The following OLFML2A variants were observed in gnomAD, a reference collection of about 807,000 sequenced individuals.
OLFML2A encodes olfactomedin-like protein 2A.
A neutral mutation model predicts 60.9 loss-of-function variants in OLFML2A; 47 were observed. The ratio of observed to expected loss-of-function variants is 0.77; its 90% CI spans 0.61 to 0.98. OLFML2A has a LOEUF of 0.98. OLFML2A is among the 50% of genes least tolerant of loss of function. The pLI is 0.00. For synonymous variants in OLFML2A, 372 were observed against 375.0 expected (o/e 0.99, Z 0.09); for missense variants, 922 against 879.8 (o/e 1.05, Z -0.61).
At position 124,810,115 on chromosome 9, in the gene OLFML2A, C is replaced by A. The variant is rs754784787; in HGVS notation, c.1662C>A (p.Asp554Glu). Reference protein sequence around the residue: ...QPEVIVLSRLDPGDLSVHRET... With the variant: ...QPEVIVLSRLEPGDLSVHRET... ...AGGTGATCGTCCTGAGTCGCTTGGA[C>A]CCCGGCGATCTCTCCGTGCACCGGG... The change falls in exon 8 of 8, where the codon GAC becomes GAA. Residue 554 changes from aspartate to glutamate, a missense_variant. Asp to Glu is a conservative substitution (Grantham distance 45). Transcript: ENST00000373580. 7.4e-6 allele frequency: 12 copies of A among 1,613,702 alleles called. 1 individual carries two copies. The South Asian group carries it at 1.3e-4, about 18-fold the overall frequency.
At position 124,810,542 on chromosome 9, in the gene OLFML2A, T is replaced by A. The variant is rs1841993359; in HGVS notation, c.*130T>A. The A allele has an allele frequency of 1.3e-5, 12 of 932,108 alleles. No individual in the cohort carries two copies. The South Asian group carries it at 2.1e-4, about 16-fold the overall frequency. The allele number at this position is 932,108 out of a possible 1,614,324, so 57.7% of individuals were successfully genotyped here. A position where few individuals can be genotyped will look rare whatever the true frequency, so the allele number is the denominator to read the frequency against. On this transcript the variant is annotated 3_prime_UTR_variant, in exon 8 of 8. Coordinates refer to ENST00000373580, the MANE Select transcript of OLFML2A (RefSeq NM_182487.4). ...AGGGCTGGGACTGGGCATGAGGTGGTCACCAGGATTGAGCTTCCTCAGCAC... is the reference window on the plus strand; with the variant it reads ...AGGGCTGGGACTGGGCATGAGGTGGACACCAGGATTGAGCTTCCTCAGCAC...
intron 4 of OLFML2A, chr9:124,800,999 C>T (rs988367223): frequency 6.4e-6 from 10 of 1,551,026 alleles, no homozygotes; most frequent in Admixed American, 3.9e-5. Context: ...GAGTTGGTCA[C>T]CTTGCCTAGG....
Position 124,804,289 on chromosome 9 carries a change from C to A in OLFML2A, c.1115C>A (p.Thr372Asn), listed in dbSNP as rs1841845763. ...ACCGCCACCACCACCCCAACCCCCA[C>A]CACCAGTCTCCTGCCCACCGAGCCA... ...TTTATTTPTP[T>N]TSLLPTEPPS... Residue 372 changes from threonine (T) to asparagine (N), a missense_variant, in exon 6 of 8, where the codon ACC becomes AAC. By Grantham distance (65) the Thr-to-Asn change is moderately conservative. Transcript: ENST00000373580. 1 of 1,565,314 alleles carries A rather than the reference C, an allele frequency of 6.4e-7. No homozygotes were observed. The highest frequency in any genetic ancestry group is 1.2e-5 in the South Asian group (1 of 85,006).
intron 3 of OLFML2A, among the ~76,000 whole-genome samples, chr9:124,798,372 C>T (rs563930257): frequency 1.4e-4 from 21 of 151,806 alleles, no homozygotes; most frequent in Admixed American, 2.6e-4. Flanking sequence ...CATGGAGGCA[C>T]GCGCCTGTAG....
At chr9:124,790,024 G>A (rs143128244) in intron 2 of OLFML2A, among the ~76,000 whole-genome samples, 5 of 152,330 alleles carry the variant, frequency 3.3e-5, no homozygotes, top group Non-Finnish European at 7.3e-5. Flanking sequence ...TTTCATAAAC[G>A]CTGGCTAATT....
rs1269864 is a variant in OLFML2A, at chr9:124,804,268, C to T, written c.1094C>T (p.Ala365Val). The T allele has an allele frequency of 6.3e-7, 1 of 1,591,580 alleles. No homozygotes were observed. Among genetic ancestry groups the T allele is most frequent in the Admixed American group, 1.7e-5 (1 of 57,416 alleles). Residue 365 changes from alanine (A) to valine (V), a missense_variant, in exon 6 of 8, where the codon GCC becomes GTC. Ala to Val is a moderately conservative substitution (Grantham distance 64). Transcript: ENST00000373580. ...TCAATCCCTGCCACCACCACCACCG[C>T]CACCACCACCCCAACCCCCACCACC... ...PTSIPATTTT[A>V]TTTPTPTTSL...
In OLFML2A at chr9:124,808,439, G is replaced by A. The variant is rs138444926; in HGVS notation, c.1354+473G>A. On this transcript the variant is annotated intron_variant, in intron 7 of 7. Transcript: ENST00000373580. ...GGCCAGGATGGAGCTGACGGCACAG[G>A]GAAGGGCAGAATTCTGCTTATCAAA... 9.2e-5 allele frequency among the ~76,000 whole-genome samples: 14 copies of A among 152,302 alleles called. No homozygotes were observed. The East Asian group carries it at 2.7e-3, about 29-fold the overall frequency.
At chr9:124,796,442 G>A (rs1185724580) in intron 3 of OLFML2A, among the ~76,000 whole-genome samples, 2 of 152,290 alleles carry the variant, frequency 1.3e-5, no homozygotes, top group East Asian at 3.9e-4. Flanking sequence ...GATCCGGAGG[G>A]TATATCAGCT....
At chr9:124,806,410 C>T (rs143549845) in intron 6 of OLFML2A, among the ~76,000 whole-genome samples, 65 of 150,682 alleles carry the variant, frequency 4.3e-4, no homozygotes, top group Non-Finnish European at 7.8e-4. Context: ...TTTTTTGTGG[C>T]GAGAACACTT....
chr9:124,804,531 C>A (rs936266847), intron 6 of OLFML2A, among the ~76,000 whole-genome samples, 189 bp downstream of exon 6: 3 of 152,150 alleles, frequency 2.0e-5, no homozygotes, highest in Admixed American at 1.3e-4. Context: ...CAAGACCAGC[C>A]TGGCCAACAT....
rs2131235547 is a variant in OLFML2A, at chr9:124,779,204, T to G, written c.90+1844T>G. Among the ~76,000 whole-genome samples, 1 of 152,354 alleles carries G rather than the reference T, an allele frequency of 6.6e-6. No homozygotes were observed. Among genetic ancestry groups the G allele is most frequent in the South Asian group, 2.1e-4 (1 of 4,834 alleles). On this transcript the variant is annotated intron_variant, in intron 1 of 7. Transcript: ENST00000373580. This position sits in a 1 kb window ranked among gnomAD's most constrained non-coding sequence, Gnocchi z 4.1. ...TGGCCTTCCTCTGCTATTCTTCTGC[T>G]GTGTGACCTTGGGCAAATCACTGCC...
At chr9:124,798,766 A>G (rs1252450002) in intron 3 of OLFML2A, among the ~76,000 whole-genome samples, 1 of 152,034 alleles carries the variant, frequency 6.6e-6, no homozygotes, top group Middle Eastern at 3.2e-3. Context: ...AAAAAGAAAA[A>G]ATAAGGGACT....
chr9:124,799,498 C>T lies in OLFML2A; in HGVS notation c.669+7C>T, dbSNP rs1841733976. 2 of 1,575,158 alleles carry T rather than the reference C, an allele frequency of 1.3e-6. No individual in the cohort carries two copies. The highest frequency in any genetic ancestry group is 2.3e-5 in the East Asian group (1 of 43,428). On this transcript the variant is annotated splice_region_variant and intron_variant, in intron 4 of 7. Coordinates refer to ENST00000373580, the MANE Select transcript of OLFML2A (RefSeq NM_182487.4). ...CACTGGTAGCAAGGCCCAGGTGAGGCCCCAGCTCTGATCATGGGGCCGGAG... is the reference window on the plus strand; with the variant it reads ...CACTGGTAGCAAGGCCCAGGTGAGGTCCCAGCTCTGATCATGGGGCCGGAG...
chr9:124,777,291 G>A lies in OLFML2A; in HGVS notation c.21G>A (p.Pro7=), dbSNP rs753770105. The change falls in exon 1 of 8, where the codon CCG becomes CCA. Residue 7 remains proline (P), a synonymous_variant. Coordinates refer to ENST00000373580, the MANE Select transcript of OLFML2A (RefSeq NM_182487.4). This position sits in a 1 kb window ranked among gnomAD's most constrained non-coding sequence, Gnocchi z 6.2. ...GCGCCATGGCCGCTGCCGCCCTCCC[G>A]CCCCGGCCGCTGCTCCTTCTGCCGC... The part of the protein sequence containing the change: MAAAAL[P]PRPLLLLPLV... 2 of 1,261,910 alleles carry A rather than the reference G, an allele frequency of 1.6e-6. No individual in the cohort carries two copies. Among genetic ancestry groups the A allele is most frequent in the South Asian group, 2.7e-5 (1 of 36,688 alleles). 78.2% of individuals were successfully genotyped at this position (1,261,910 alleles called of 1,614,324 possible).
intron 2 of OLFML2A, among the ~76,000 whole-genome samples, chr9:124,787,457 A>G (rs1483188721): frequency 6.6e-6 from 1 of 152,034 alleles, no homozygotes; most frequent in African/African-American, 2.4e-5. Flanking sequence ...AGTGTCTTAT[A>G]TTTTACCCAA....
Position 124,777,150 on chromosome 9 carries a change from A to G in OLFML2A, c.-121A>G, listed in dbSNP as rs1841270034. 1 of 351,476 alleles carries G rather than the reference A, an allele frequency of 2.8e-6. No homozygotes were observed. Among genetic ancestry groups the G allele is most frequent in the African/African-American group, 2.2e-5 (1 of 46,474 alleles). The allele number at this position is 351,476 out of a possible 1,614,324, so 21.8% of individuals were successfully genotyped here. A position where few individuals can be genotyped will look rare whatever the true frequency, so the allele number is the denominator to read the frequency against. Reference sequence around the variant, plus strand: ...GCGCTGGAAGACCCGCGGGGCTGGCAGCAGGGTGCAGGCGCGGGGCGCGGG... The same window carrying G: ...GCGCTGGAAGACCCGCGGGGCTGGCGGCAGGGTGCAGGCGCGGGGCGCGGG... On this transcript the variant is annotated 5_prime_UTR_variant, in exon 1 of 8. Coordinates refer to ENST00000373580, the MANE Select transcript of OLFML2A (RefSeq NM_182487.4). The surrounding 1 kb of genome is among the most constrained non-coding windows in gnomAD (Gnocchi z 6.2).
At position 124,804,288 on chromosome 9, in the gene OLFML2A, A is replaced by G. The variant is rs1406030206; in HGVS notation, c.1114A>G (p.Thr372Ala). The G allele has an allele frequency of 1.9e-6, 1 of 515,988 alleles. No individual in the cohort carries two copies. 32.0% of individuals were successfully genotyped at this position (515,988 alleles called of 1,614,324 possible). A position where few individuals can be genotyped will look rare whatever the true frequency, so the allele number is the denominator to read the frequency against. ...CACCGCCACCACCACCCCAACCCCCACCACCAGTCTCCTGCCCACCGAGCC... is the reference window on the plus strand; with the variant it reads ...CACCGCCACCACCACCCCAACCCCCGCCACCAGTCTCCTGCCCACCGAGCC... ...TTTATTTPTP[T>A]TSLLPTEPPS... The change falls in exon 6 of 8, where the codon ACC becomes GCC. Residue 372 changes from threonine to alanine, a missense_variant. Physicochemically the swap from Thr to Ala is moderately conservative, Grantham distance 58. Coordinates refer to ENST00000373580, the MANE Select transcript of OLFML2A (RefSeq NM_182487.4).
intron 6 of OLFML2A, among the ~76,000 whole-genome samples, chr9:124,806,405 T>TG (rs1841897749): frequency 6.6e-6 from 1 of 151,234 alleles, no homozygotes. Flanking sequence ...TATCTTTTTT[T>TG]GTGGCGAGAA....
At chr9:124,794,227 T>G (rs1409710352) in intron 2 of OLFML2A, among the ~76,000 whole-genome samples, 1 of 152,128 alleles carries the variant, frequency 6.6e-6, no homozygotes, top group Non-Finnish European at 1.5e-5. Flanking sequence ...TGAGTTGGGA[T>G]TATAGATGTC....
Sources: allele counts gnomAD v4.1 joint callset (sites outside exome capture counted in the v4.1 genomes callset), GRCh38; gene constraint gnomAD v4.1.1; non-coding constraint Gnocchi (gnomAD v3.1); transcripts MANE v1.5; gene names NCBI Gene and HGNC (gene_info 2026-07-23, HGNC 2026-07-21).